The following TEC variants were observed in gnomAD, a reference collection of about 807,000 sequenced individuals.
TEC encodes the protein tyrosine-protein kinase Tec.
A neutral mutation model predicts 93.0 loss-of-function variants in TEC; 72 were observed. The observed-to-expected ratio is 0.77, with a 90% CI of 0.64 to 0.94. TEC has a LOEUF of 0.94. TEC is among the 40% of genes least tolerant of loss of function. The pLI, the probability that TEC is intolerant of heterozygous loss-of-function variation, is 0.00. For missense variants in TEC, 630 were observed against 757.9 expected (o/e 0.83, Z 1.98); for synonymous variants, 249 against 247.7 (o/e 1.01, Z -0.05).
intron 1 of TEC, among the ~76,000 whole-genome samples, chr4:48,248,196 C>T (rs1724109587): frequency 6.6e-6 from 1 of 152,150 alleles, no homozygotes; most frequent in Admixed American, 6.5e-5. Flanking sequence ...AAAAACAAAA[C>T]CCACTCCATA....
chr4:48,150,837 T>TA lies in TEC; in HGVS notation c.872+25dup, dbSNP rs200628097. The TA allele has an allele frequency of 7.1e-4, 1,016 of 1,437,388 alleles. 1 individual carries two copies. The highest frequency in any genetic ancestry group is 3.4e-3 in the East Asian group (141 of 41,524). The allele number at this position is 1,437,388 out of a possible 1,614,324, so 89.0% of individuals were successfully genotyped here. ...AAGTTCATACAAAAACTCTAAATTA[T>TA]AAAAAAAAATGGCAGGATTACTCAC... On this transcript the variant is annotated intron_variant, in intron 10 of 17. Coordinates refer to ENST00000381501, the MANE Select transcript of TEC (RefSeq NM_003215.3).
At chr4:48,241,421 C>T (rs1261769515) in intron 1 of TEC, among the ~76,000 whole-genome samples, 1 of 152,124 alleles carries the variant, frequency 6.6e-6, no homozygotes, top group East Asian at 1.9e-4. Context: ...TGGAACCCAG[C>T]CACCATACTG....
At chr4:48,256,656 T>C (rs1211917255) in intron 1 of TEC, among the ~76,000 whole-genome samples, 1 of 151,974 alleles carries the variant, frequency 6.6e-6, no homozygotes, top group Non-Finnish European at 1.5e-5. Flanking sequence ...GTCTCTTCTT[T>C]TAAAAACTTT....
At chr4:48,252,999 CT>C (rs1724246978) in intron 1 of TEC, among the ~76,000 whole-genome samples, 1 of 152,162 alleles carries the variant, frequency 6.6e-6, no homozygotes, top group South Asian at 2.1e-4. Context: ...TTCTCAGGGG[CT>C]TTAATAGGTG....
chr4:48,155,862 A>G (rs545831929), intron 9 of TEC: 18 of 152,282 alleles, frequency 1.2e-4, no homozygotes, highest in African/African-American at 4.1e-4. Flanking sequence ...GAAGACTGCT[A>G]CTCTGAAGAA....
intron 2 of TEC, among the ~76,000 whole-genome samples, chr4:48,179,709 G>A (rs1220553599): frequency 6.6e-6 from 1 of 151,946 alleles, no homozygotes; most frequent in Non-Finnish European, 1.5e-5. Context: ...AGAGCACAGA[G>A]AACAATGGCT....
intron 1 of TEC, among the ~76,000 whole-genome samples, chr4:48,241,781 T>A (rs1308421890): frequency 6.6e-6 from 1 of 152,150 alleles, no homozygotes; most frequent in East Asian, 1.9e-4. Flanking sequence ...TCATCTCTTA[T>A]CCTCGTCAAT....
At chr4:48,233,024 G>A (rs1164250534) in intron 1 of TEC, among the ~76,000 whole-genome samples, 2 of 152,200 alleles carry the variant, frequency 1.3e-5, no homozygotes, top group Non-Finnish European at 2.9e-5. Flanking sequence ...AACCCTGGAA[G>A]AAAACTAGAG....
chr4:48,242,498 C>T (rs1214821176), intron 1 of TEC, among the ~76,000 whole-genome samples: 3 of 152,186 alleles, frequency 2.0e-5, no homozygotes, highest in Non-Finnish European at 4.4e-5. Context: ...ATGTGTAGTT[C>T]CTCCTACTAT....
At chr4:48,206,601 A>C (rs73246003) in intron 2 of TEC, among the ~76,000 whole-genome samples, 4,017 of 152,186 alleles carry the variant, frequency 0.026, 82 homozygotes, top group Non-Finnish European at 0.039. Context: ...AATATAGTGA[A>C]ATACCACTAC....
chr4:48,213,054 A>AT (rs1309909246), intron 2 of TEC, among the ~76,000 whole-genome samples: 1 of 152,228 alleles, frequency 6.6e-6, no homozygotes, highest in East Asian at 1.9e-4. Context: ...CAAAATTTAT[A>AT]TTTTACAATC....
chr4:48,226,694 T>C (rs1723477587), intron 2 of TEC, among the ~76,000 whole-genome samples: 1 of 152,154 alleles, frequency 6.6e-6, no homozygotes, highest in Non-Finnish European at 1.5e-5. Flanking sequence ...CAGTAGGCTA[T>C]TAGTAGTTAA....
At chr4:48,163,285 A>C (rs527428290) in intron 8 of TEC, among the ~76,000 whole-genome samples, 11 of 152,334 alleles carry the variant, frequency 7.2e-5, no homozygotes, top group African/African-American at 2.6e-4. Context: ...AAAAATAGTA[A>C]AAAGATTGAA....
At chr4:48,208,794 T>C (rs1722799442) in intron 2 of TEC, among the ~76,000 whole-genome samples, 1 of 152,226 alleles carries the variant, frequency 6.6e-6, no homozygotes, top group African/African-American at 2.4e-5. Context: ...TTACCTTCTA[T>C]ACTATTGTGT....
At chr4:48,264,550 T>G (rs1388212200) in intron 1 of TEC, among the ~76,000 whole-genome samples, 1 of 151,796 alleles carries the variant, frequency 6.6e-6, no homozygotes, top group African/African-American at 2.4e-5. Flanking sequence ...GCCCAAGAGG[T>G]AACGACCACA....
chr4:48,146,246 G>T, intron 12 of TEC, 79 bp downstream of exon 12: 1 of 1,337,244 alleles, frequency 7.5e-7, no homozygotes, highest in South Asian at 1.2e-5. Context: ...ATGTGAAATA[G>T]TACACATCCA....
chr4:48,228,571 G>C lies in TEC; in HGVS notation c.44C>G (p.Ser15Ter), dbSNP rs1304356128. 1 of 1,613,600 alleles carries C rather than the reference G, an allele frequency of 6.2e-7. No individual in the cohort carries two copies. The highest frequency in any genetic ancestry group is 8.5e-7 in the Non-Finnish European group (1 of 1,179,884). The change falls in exon 2 of 18, where the codon TCA becomes TGA. Residue 15 changes from serine (S) to a stop codon, truncating the protein, a stop_gained. Coordinates refer to ENST00000381501, the MANE Select transcript of TEC (RefSeq NM_003215.3). LOFTEE classifies it high-confidence loss of function. ...GGGCGATGTCTTCTTTTTCTGCTGT[G>C]ACCTTTTAATAAGAATCTCCTCCAA... ...TILEEILIKRSQQKKKTSPLN... is the reference protein window; with the variant it reads ...TILEEILIKR
At chr4:48,194,826 G>A (rs1722236319) in intron 2 of TEC, among the ~76,000 whole-genome samples, 1 of 152,140 alleles carries the variant, frequency 6.6e-6, no homozygotes, top group Non-Finnish European at 1.5e-5. Flanking sequence ...GTATTCCATG[G>A]GTTTTTGTGG....
At chr4:48,228,379 T>C (rs1002811604) in intron 2 of TEC, 98 bp downstream of exon 2, 2 of 1,321,250 alleles carry the variant, frequency 1.5e-6, no homozygotes, top group African/African-American at 3.0e-5. Context: ...ATTACTTCAT[T>C]AACCCAAAGC....
Sources: gnomAD v4.1 joint callset for allele counts (sites outside exome capture counted in the v4.1 genomes callset) on GRCh38, gnomAD v4.1.1 for gene constraint, MANE v1.5 for transcripts, NCBI Gene and HGNC (gene_info 2026-07-23, HGNC 2026-07-21) for gene names.